Variants in DNM3 observed in about 807,000 individuals in gnomAD.
The protein encoded by DNM3 is dynamin-3.
Under a neutral mutation model 101.6 loss-of-function variants are expected in DNM3, and 47 were observed. The observed-to-expected ratio is 0.46, with a 90% CI of 0.37 to 0.59. The LOEUF is 0.59. Ranked by LOEUF, DNM3 falls within the 20% of genes least tolerant of loss-of-function variation. DNM3 has a pLI of 0.00. For missense variants in DNM3, 849 were observed against 1,085.7 expected, an observed-to-expected ratio of 0.78 and a Z score of 3.06; for synonymous variants, 385 against 387.9, an observed-to-expected ratio of 0.99 and a Z score of 0.09.
rs1187274772 is a variant in DNM3, at chr1:172,412,260, T to C, written c.*4419T>C. ...TGAATTCCTTAAACTTCGCTCATTA[T>C]GAAATGTTTTAAAATTATGACAAAA... On this transcript the variant is annotated 3_prime_UTR_variant, in exon 21 of 21. Transcript: ENST00000627582. 1.0e-6 allele frequency: 1 copy of C among 985,270 alleles called. No homozygotes were observed. Among genetic ancestry groups the C allele is most frequent in the African/African-American group, 1.7e-5 (1 of 57,244 alleles). 61.0% of individuals were successfully genotyped at this position (985,270 alleles called of 1,614,324 possible).
intron 4 of DNM3, among the ~76,000 whole-genome samples, chr1:172,016,902 C>T (rs1291650000): frequency 6.6e-6 from 1 of 152,080 alleles, no homozygotes; most frequent in Non-Finnish European, 1.5e-5. Context: ...ATCTGTCACC[C>T]AGGCTGGAGT....
At position 172,285,352 on chromosome 1, in the gene DNM3, C is replaced by T. The variant is rs370453589; in HGVS notation, c.1770-23376C>T. Among the ~76,000 whole-genome samples the T allele has an allele frequency of 1.7e-4, 26 of 152,240 alleles. No homozygotes were observed. The East Asian group carries it at 4.8e-3, about 28-fold the overall frequency. ...CTACTTATGTGGCCCAGACTTTGGG[C>T]CATGAATAATTTTGTGCAAAACTCA... On this transcript the variant is annotated intron_variant, in intron 15 of 20. Coordinates refer to ENST00000627582, the MANE Select transcript of DNM3 (RefSeq NM_015569.5).
chr1:172,352,484 C>T (rs1240826708), intron 17 of DNM3, among the ~76,000 whole-genome samples: 1 of 152,134 alleles, frequency 6.6e-6, no homozygotes, highest in African/African-American at 2.4e-5. Context: ...TAAATCACTA[C>T]AGCATAAGCC....
chr1:172,261,855 A>C (rs2062666849), intron 15 of DNM3, among the ~76,000 whole-genome samples: 1 of 152,182 alleles, frequency 6.6e-6, no homozygotes, highest in Non-Finnish European at 1.5e-5. Context: ...CAGGTGGTCA[A>C]CTGGCCTGGA....
chr1:172,166,249 T>C (rs939211483), intron 14 of DNM3, among the ~76,000 whole-genome samples: 2 of 152,070 alleles, frequency 1.3e-5, no homozygotes, highest in African/African-American at 2.4e-5. Context: ...AAAGTTGTGG[T>C]TGGTTAGTGG....
rs186161577 is a variant in DNM3 at position 172,373,840 on chromosome 1, C to T, written c.1894-5178C>T. ...CCAAGAATATAGATCTTTGTCTAAG[C>T]AATCTTCTTCAGAATATTAGTAGTT... On this transcript the variant is annotated intron_variant, in intron 17 of 20. Coordinates refer to ENST00000627582, the MANE Select transcript of DNM3 (RefSeq NM_015569.5). Among the ~76,000 whole-genome samples the T allele has an allele frequency of 5.7e-4, 87 of 152,180 alleles. 1 individual carries two copies. The South Asian group carries it at 0.014, about 25-fold the overall frequency.
At chr1:172,317,941 G>T (rs2065476421) in intron 16 of DNM3, among the ~76,000 whole-genome samples, 1 of 152,252 alleles carries the variant, frequency 6.6e-6, no homozygotes, top group Non-Finnish European at 1.5e-5. Context: ...CCAAAAAAGA[G>T]AATTTTAGAC....
chr1:171,937,866 AGC>A (rs1341281338), intron 2 of DNM3, among the ~76,000 whole-genome samples: 1 of 150,520 alleles, frequency 6.6e-6, no homozygotes, highest in Non-Finnish European at 1.5e-5. Flanking sequence ...TACAGGTATG[AGC>A]CACAATGCCT....
intron 2 of DNM3, among the ~76,000 whole-genome samples, chr1:171,972,950 A>G (rs529741824): frequency 6.6e-6 from 1 of 152,326 alleles, no homozygotes; most frequent in Non-Finnish European, 1.5e-5. Context: ...AATACCCTGA[A>G]GTTATTTGCA....
At chr1:172,089,778 T>C (rs1037715182) in intron 12 of DNM3, among the ~76,000 whole-genome samples, 1 of 152,220 alleles carries the variant, frequency 6.6e-6, no homozygotes, top group Non-Finnish European at 1.5e-5. Flanking sequence ...ATTTCACAGA[T>C]GGAAACTGTC....
chr1:172,181,834 G>T, intron 14 of DNM3, among the ~76,000 whole-genome samples: 1 of 150,992 alleles, frequency 6.6e-6, no homozygotes, highest in African/African-American at 2.4e-5. Context: ...AATAAACTGG[G>T]GTTATTTGAA....
At chr1:171,998,210 C>T (rs2046129186) in intron 4 of DNM3, among the ~76,000 whole-genome samples, 1 of 152,056 alleles carries the variant, frequency 6.6e-6, no homozygotes, top group Admixed American at 6.6e-5. Context: ...ACATGTTAGA[C>T]TTAAAAAATA....
At chr1:172,165,254 G>A (rs998584751) in intron 14 of DNM3, among the ~76,000 whole-genome samples, 1 of 151,782 alleles carries the variant, frequency 6.6e-6, no homozygotes, top group Non-Finnish European at 1.5e-5. Flanking sequence ...TCTCAAAAAA[G>A]TTTTTTTAGA....
intron 1 of DNM3, among the ~76,000 whole-genome samples, chr1:171,848,705 G>A (rs75556691): frequency 0.014 from 2,063 of 152,316 alleles, 53 homozygotes; most frequent in African/African-American, 0.045. Flanking sequence ...TTTTGTGTGT[G>A]TGTTTGCATT....
At chr1:172,238,288 G>A (rs529802288) in intron 14 of DNM3, among the ~76,000 whole-genome samples, 1 of 152,228 alleles carries the variant, frequency 6.6e-6, no homozygotes, top group African/African-American at 2.4e-5. Context: ...GTTTAAGGCT[G>A]GGAGAAGCTG....
intron 1 of DNM3, among the ~76,000 whole-genome samples, chr1:171,892,161 T>C (rs1330421424): frequency 6.6e-6 from 1 of 151,912 alleles, no homozygotes; most frequent in Non-Finnish European, 1.5e-5. Context: ...AGTCTCGTAA[T>C]TGTGTGTGTG....
intron 15 of DNM3, among the ~76,000 whole-genome samples, chr1:172,283,084 T>G (rs1339684924): frequency 6.6e-6 from 1 of 152,210 alleles, no homozygotes; most frequent in Non-Finnish European, 1.5e-5. Flanking sequence ...TTCTTTGCAT[T>G]ATCAGAAAAT....
chr1:171,978,242 G>A (rs940175397), intron 2 of DNM3, among the ~76,000 whole-genome samples: 8 of 152,090 alleles, frequency 5.3e-5, no homozygotes, highest in African/African-American at 9.7e-5. Context: ...CATGTGCACC[G>A]AAGAAAAAAA....
intron 1 of DNM3, among the ~76,000 whole-genome samples, chr1:171,887,806 AT>A (rs757090481): frequency 2.0e-4 from 31 of 152,160 alleles, no homozygotes; most frequent in Non-Finnish European, 3.7e-4. Context: ...TTCATTATTA[AT>A]TTATTGTAAT....
Sources: allele counts gnomAD v4.1 joint callset (sites outside exome capture counted in the v4.1 genomes callset), GRCh38; gene constraint gnomAD v4.1.1; transcripts MANE v1.5; gene names NCBI Gene and HGNC (gene_info 2026-07-23, HGNC 2026-07-21).